The following RBFOX1 variants were observed in gnomAD, a reference collection of about 807,000 sequenced individuals.
The protein encoded by RBFOX1 is RNA binding fox-1 homolog 1.
RBFOX1 carries 8 observed loss-of-function variants against 57.7 expected under a neutral mutation model. The observed-to-expected ratio is 0.14, with a 90% CI of 0.08 to 0.25. The LOEUF (loss-of-function observed/expected upper bound fraction) is 0.25, where lower values mean the gene tolerates loss of function less well. RBFOX1 is among the 10% of genes least tolerant of loss of function. RBFOX1 has a pLI of 1.00. For synonymous variants in RBFOX1, 326 were observed against 222.4 expected (o/e 1.47, Z -4.15); for missense variants, 611 against 548.5 (o/e 1.11, Z -1.14).
In RBFOX1 at chr16:6,450,837, GTGTATATATATATATATATATA is replaced by G. The variant is rs2094598213; in HGVS notation, c.-64+133782_-64+133803del. 2.6e-3 allele frequency among the ~76,000 whole-genome samples: 56 copies of G among 21,632 alleles called. 3 individuals carry two copies. Among genetic ancestry groups the G allele is most frequent in the Admixed American group, 8.5e-3 (12 of 1,418 alleles). The allele number at this position is 21,632 out of a possible 152,430, so 14.2% of individuals were successfully genotyped here. ...TATATACATATATATATATATATAT[GTGTATATATATATATATATATA>G]TATATATATATATATCTCCTCTGAA... is the stretch of plus-strand genomic sequence containing the variant. On this transcript the variant is annotated intron_variant, in intron 2 of 15. Coordinates refer to ENST00000550418, the MANE Select transcript of RBFOX1 (RefSeq NM_018723.4).
intron 3 of RBFOX1, among the ~76,000 whole-genome samples, chr16:5,645,278 A>AAAC (rs1555491321): frequency 1.4e-5 from 2 of 148,118 alleles, no homozygotes; most frequent in African/African-American, 5.2e-5. Context: ...ACAAAAACAA[A>AAAC]AAAAAAAACA....
chr16:5,624,537 C>G (rs2048293925), intron 3 of RBFOX1, among the ~76,000 whole-genome samples: 1 of 152,226 alleles, frequency 6.6e-6, no homozygotes, highest in African/African-American at 2.4e-5. Context: ...TGGGGAAAAG[C>G]TCCTGAGAAC....
At chr16:6,674,607 C>G (rs1463801666) in intron 3 of RBFOX1, among the ~76,000 whole-genome samples, 1 of 152,132 alleles carries the variant, frequency 6.6e-6, no homozygotes, top group Admixed American at 6.5e-5. Flanking sequence ...CAGGCGTGAG[C>G]CACCGTGCCC....
intron 4 of RBFOX1, among the ~76,000 whole-genome samples, chr16:7,383,858 T>C (rs1014976850): frequency 3.3e-5 from 5 of 152,108 alleles, no homozygotes; most frequent in Admixed American, 1.3e-4. Context: ...AGATCGAGAC[T>C]ATCCTGGCTA....
intron 4 of RBFOX1, among the ~76,000 whole-genome samples, chr16:5,900,166 T>C (rs904675405): frequency 2.0e-5 from 3 of 152,194 alleles, no homozygotes; most frequent in Admixed American, 2.0e-4. Context: ...TATTGACTAA[T>C]ATCTAAGCTT....
intron 1 of RBFOX1, among the ~76,000 whole-genome samples, chr16:5,390,169 A>T (rs2066365472): frequency 6.6e-6 from 1 of 152,116 alleles, no homozygotes; most frequent in Non-Finnish European, 1.5e-5. Context: ...TGCTCTTGAC[A>T]ACTTTTAATT....
chr16:7,581,972 C>T (rs1356355862), intron 6 of RBFOX1, among the ~76,000 whole-genome samples: 1 of 152,000 alleles, frequency 6.6e-6, no homozygotes, highest in Non-Finnish European at 1.5e-5. Flanking sequence ...CCGCCTTGGC[C>T]TCCCAATGTG....
At chr16:6,704,525 C>T (rs768115157) in intron 3 of RBFOX1, 1 of 152,212 alleles carries the variant, frequency 6.6e-6, no homozygotes, top group Admixed American at 6.5e-5. Context: ...TATTCTACAC[C>T]CCCCTTGGGT....
chr16:7,548,002 G>A (rs551454197), intron 5 of RBFOX1, among the ~76,000 whole-genome samples: 10 of 152,302 alleles, frequency 6.6e-5, no homozygotes, highest in Middle Eastern at 3.4e-3. Flanking sequence ...CGTGTGTAGT[G>A]CCTGTTTTGG....
chr16:5,393,563 A>G (rs74607916), intron 1 of RBFOX1, among the ~76,000 whole-genome samples: 4,065 of 152,264 alleles, frequency 0.027, 110 homozygotes, highest in African/African-American at 0.066. Flanking sequence ...GTCCTGCTCA[A>G]TGGCTTCTCT....
intron 4 of RBFOX1, among the ~76,000 whole-genome samples, chr16:7,373,666 G>A (rs1476607989): frequency 6.6e-6 from 1 of 151,838 alleles, no homozygotes; most frequent in Non-Finnish European, 1.5e-5. Context: ...AGTGGTGTCT[G>A]ACCTGTGTTG....
intron 4 of RBFOX1, among the ~76,000 whole-genome samples, chr16:5,906,156 C>G (rs2058449844): frequency 6.6e-6 from 1 of 152,114 alleles, no homozygotes; most frequent in African/African-American, 2.4e-5. Flanking sequence ...TCATGCCTCC[C>G]CCAGACTGGT....
intron 3 of RBFOX1, among the ~76,000 whole-genome samples, chr16:5,762,518 G>T (rs1017909907): frequency 1.3e-5 from 2 of 152,158 alleles, no homozygotes; most frequent in African/African-American, 4.8e-5. Context: ...AGCCTTAAAT[G>T]CACGTTTGTG....
chr16:6,345,686 A>C (rs903883137), intron 2 of RBFOX1, among the ~76,000 whole-genome samples: 3 of 152,176 alleles, frequency 2.0e-5, no homozygotes, highest in South Asian at 2.1e-4. Context: ...TGGAGCTTAC[A>C]TTCTAAAAGA....
At chr16:6,751,063 G>C (rs1338257484) in intron 3 of RBFOX1, among the ~76,000 whole-genome samples, 1 of 152,176 alleles carries the variant, frequency 6.6e-6, no homozygotes, top group African/African-American at 2.4e-5. Flanking sequence ...AAGGAGATCA[G>C]GGTGGCAAAG....
intron 1 of RBFOX1, among the ~76,000 whole-genome samples, chr16:6,256,233 GTGTATATATATATGTATATATATGTGTA>G (rs2097664570): frequency 4.7e-5 from 2 of 42,126 alleles, no homozygotes; most frequent in African/African-American, 7.7e-5. Context: ...ATATATATAT[GTGTATATATATATGTATATATATGTGTA>G]TATATATATG....
At chr16:5,597,764 G>A (rs1288450677) in intron 2 of RBFOX1, among the ~76,000 whole-genome samples, 8 of 152,192 alleles carry the variant, frequency 5.3e-5, no homozygotes, top group African/African-American at 1.7e-4. Flanking sequence ...ATGCTCCTGC[G>A]CTGTACCTCG....
At chr16:7,536,351 T>C (rs1050163307) in intron 5 of RBFOX1, among the ~76,000 whole-genome samples, 1 of 152,176 alleles carries the variant, frequency 6.6e-6, no homozygotes, top group Non-Finnish European at 1.5e-5. Flanking sequence ...CCCAGTACTT[T>C]GGGAGGCCAA....
intron 3 of RBFOX1, among the ~76,000 whole-genome samples, chr16:6,693,036 C>T (rs1194811304): frequency 6.6e-6 from 1 of 151,976 alleles, no homozygotes; most frequent in African/African-American, 2.4e-5. Flanking sequence ...TCATCCCCAT[C>T]CACTACCATC....
Sources: allele counts gnomAD v4.1 joint callset (sites outside exome capture counted in the v4.1 genomes callset), GRCh38; gene constraint gnomAD v4.1.1; transcripts MANE v1.5; gene names NCBI Gene and HGNC (gene_info 2026-07-23, HGNC 2026-07-21).